MCM5: variants seen among roughly 807,000 people sequenced by gnomAD.
MCM5 encodes minichromosome maintenance complex component 5.
Under a neutral mutation model 79.9 loss-of-function variants are expected in MCM5, and 46 were observed. The observed-to-expected ratio is 0.58, with a 90% CI of 0.45 to 0.74. The LOEUF is 0.74. MCM5 is among the 30% of genes least tolerant of loss of function. The probability of loss-of-function intolerance (pLI) is 0.00; values close to 1 mark genes in which losing one functional copy is unlikely to be tolerated. For missense variants in MCM5, 883 were observed against 1,017.0 expected, an observed-to-expected ratio of 0.87 and a Z score of 1.79; for synonymous variants, 404 against 390.5, an observed-to-expected ratio of 1.03 and a Z score of -0.41.
At chr22:35,438,735 A>ATCCACC in the MCM5 span, among the ~76,000 whole-genome samples, 1 of 102,548 alleles carries the variant, frequency 9.8e-6, no homozygotes, top group Non-Finnish European at 2.0e-5. Context: ...ATCCATCCAC[A>ATCCACC]TATTCATCCA....
chr22:35,451,096 C>T, the MCM5 span, among the ~76,000 whole-genome samples: 4 of 152,308 alleles, frequency 2.6e-5, no homozygotes, highest in Admixed American at 1.3e-4. Context: ...ATGGTGTTCA[C>T]CTCACCCACC....
intron 4 of MCM5, among the ~76,000 whole-genome samples, chr22:35,406,299 T>TCC (rs57728496): frequency 2.3e-5 from 3 of 128,632 alleles, no homozygotes; most frequent in African/African-American, 5.9e-5. Flanking sequence ...CCCTGCCACC[T>TCC]CCCCCCCCAA....
the MCM5 span, among the ~76,000 whole-genome samples, chr22:35,443,455 C>T: frequency 1.6e-3 from 238 of 152,316 alleles, no homozygotes; most frequent in African/African-American, 5.5e-3. Context: ...TCCTAAAGTG[C>T]TGGGATTACA....
rs1454992290 is a variant in MCM5, at chr22:35,400,155, G to C, written c.-62G>C. 2.4e-6 allele frequency: 1 copy of C among 417,150 alleles called. No homozygotes were observed. The highest frequency in any genetic ancestry group is 4.4e-6 in the Non-Finnish European group (1 of 226,946). The allele number at this position is 417,150 out of a possible 1,614,324, so 25.8% of individuals were successfully genotyped here. A position where few individuals can be genotyped will look rare whatever the true frequency, so the allele number is the denominator to read the frequency against. The stretch of plus-strand genomic sequence containing the variant: ...CTTGTTTTTCCCGCGAAACTCGGCG[G>C]CTGAGCGTGGAGGTTCTTGTCTCCC... On this transcript the variant is annotated 5_prime_UTR_variant, in exon 1 of 17. Coordinates refer to ENST00000216122, the MANE Select transcript of MCM5 (RefSeq NM_006739.4).
the MCM5 span, among the ~76,000 whole-genome samples, chr22:35,452,385 G>A: frequency 4.6e-5 from 7 of 152,300 alleles, no homozygotes; most frequent in South Asian, 1.5e-3. Context: ...GTAGGACGTA[G>A]GCTCCACGCC....
chr22:35,419,414 C>T (rs1932635622), intron 13 of MCM5, among the ~76,000 whole-genome samples: 1 of 152,218 alleles, frequency 6.6e-6, no homozygotes, highest in Non-Finnish European at 1.5e-5. Flanking sequence ...AGCCCCTGGA[C>T]TGCAGTCACC....
intron 4 of MCM5, among the ~76,000 whole-genome samples, chr22:35,404,687 C>T (rs559380025): frequency 2.6e-5 from 4 of 152,246 alleles, no homozygotes; most frequent in South Asian, 2.1e-4. Context: ...TCTTGAATTC[C>T]GCCTCCCCAG....
At chr22:35,444,617 A>C in the MCM5 span, among the ~76,000 whole-genome samples, 1 of 151,780 alleles carries the variant, frequency 6.6e-6, no homozygotes, top group African/African-American at 2.4e-5. Flanking sequence ...GGGGTAGGGG[A>C]AGCTGCCCTG....
chr22:35,428,970 CTTTTTTTTTTTTTTTT>C (rs35549972), downstream of MCM5, among the ~76,000 whole-genome samples: 4 of 65,528 alleles, frequency 6.1e-5, no homozygotes, highest in East Asian at 4.5e-4. Context: ...TTTCTTTGAC[CTTTTTTTTTTTTTTTT>C]TTTTTTTTTT....
intron 12 of MCM5, among the ~76,000 whole-genome samples, chr22:35,417,473 A>G (rs1333073569): frequency 6.6e-6 from 1 of 151,054 alleles, no homozygotes; most frequent in Non-Finnish European, 1.5e-5. Context: ...ACATGCCCCA[A>G]GTCGGGGTGG....
chr22:35,408,966 T>G (rs996006507), intron 6 of MCM5, among the ~76,000 whole-genome samples: 5 of 66,360 alleles, frequency 7.5e-5, no homozygotes, highest in Non-Finnish European at 1.4e-4. Context: ...TACCCCAGGC[T>G]TTCTTTTTTT....
chr22:35,402,716 G>A (rs1051075442), intron 2 of MCM5, among the ~76,000 whole-genome samples: 3 of 152,094 alleles, frequency 2.0e-5, no homozygotes, highest in African/African-American at 4.8e-5. Context: ...GCTAATCTTC[G>A]TATTTTTAGT....
At chr22:35,419,441 G>T (rs1158192502) in intron 13 of MCM5, among the ~76,000 whole-genome samples, 1 of 152,212 alleles carries the variant, frequency 6.6e-6, no homozygotes. Context: ...CCTCCTGTGG[G>T]TGTCATCAGC....
At chr22:35,435,978 T>A in the MCM5 span, among the ~76,000 whole-genome samples, 5 of 151,708 alleles carry the variant, frequency 3.3e-5, no homozygotes, top group Non-Finnish European at 7.4e-5. Flanking sequence ...ACCAGCCTGA[T>A]CAACATGGAG....
chr22:35,407,052 G>C (rs975055909), intron 5 of MCM5, among the ~76,000 whole-genome samples: 1 of 152,204 alleles, frequency 6.6e-6, no homozygotes, highest in African/African-American at 2.4e-5. Context: ...CACTAGGCCA[G>C]ATCTAGCCTG....
chr22:35,417,718 G>C, intron 12 of MCM5, 26 bp from the exon 13 acceptor site: 1 of 1,525,396 alleles, frequency 6.6e-7, no homozygotes, highest in Non-Finnish European at 9.1e-7. Context: ...CCTGTGGGAT[G>C]ACCCATTATC....
chr22:35,416,520 T>C (rs1932546522), intron 11 of MCM5, 116 bp downstream of exon 11: 1 of 211,132 alleles, frequency 4.7e-6, no homozygotes, highest in Non-Finnish European at 7.9e-6. Context: ...TCTGTGTGTG[T>C]GTGTGTGTGT....
chr22:35,429,747 G>C (rs549097237), downstream of MCM5, among the ~76,000 whole-genome samples: 33 of 152,138 alleles, frequency 2.2e-4, no homozygotes, highest in African/African-American at 7.5e-4. Flanking sequence ...TGTTGGCTAG[G>C]CTGGTGTCAA....
At chr22:35,420,821 GT>G (rs906560484) in intron 14 of MCM5, among the ~76,000 whole-genome samples, 7 of 152,162 alleles carry the variant, frequency 4.6e-5, no homozygotes, top group African/African-American at 1.7e-4. Context: ...GGATCGCTGT[GT>G]GCCAGACTAA....
Sources: gnomAD v4.1 joint callset for allele counts (sites outside exome capture counted in the v4.1 genomes callset) on GRCh38, gnomAD v4.1.1 for gene constraint, MANE v1.5 for transcripts, NCBI Gene and HGNC (gene_info 2026-07-23, HGNC 2026-07-21) for gene names.